TENM4: variants seen among roughly 807,000 people sequenced by gnomAD.
TENM4 encodes teneurin-4.
A neutral mutation model predicts 243.3 loss-of-function variants in TENM4; 82 were observed. That is an observed-to-expected ratio of 0.34 (90% CI 0.28 to 0.40). The LOEUF (loss-of-function observed/expected upper bound fraction) is 0.40. Among genes scored for constraint, TENM4 ranks in the 10% least tolerant of loss-of-function variants. The pLI is 1.00. For synonymous variants in TENM4, 1,412 were observed against 1,456.3 expected, an observed-to-expected ratio of 0.97 and a Z score of 0.69; for missense variants, 3,138 against 3,673.3, an observed-to-expected ratio of 0.85 and a Z score of 3.77.
chr11:78,684,631 G>A (rs1858620112), intron 29 of TENM4, among the ~76,000 whole-genome samples: 1 of 152,182 alleles, frequency 6.6e-6, no homozygotes, highest in Non-Finnish European at 1.5e-5. Flanking sequence ...TGGCAGTTAA[G>A]AGAATAGGTT....
At chr11:78,695,140 G>A (rs1858925141) in intron 28 of TENM4, among the ~76,000 whole-genome samples, 1 of 149,860 alleles carries the variant, frequency 6.7e-6, no homozygotes, top group Non-Finnish European at 1.5e-5. Flanking sequence ...TTGAACTCCT[G>A]GGCTGAAAAG....
Position 79,030,737 on chromosome 11 carries a change from G to A in TENM4, c.493+34001C>T, listed in dbSNP as rs372260738. Among the ~76,000 whole-genome samples the A allele has an allele frequency of 8.5e-5, 13 of 152,202 alleles. No homozygotes were observed. The East Asian group carries it at 1.4e-3, about 16-fold the overall frequency. On this transcript the variant is annotated intron_variant, in intron 6 of 33. Transcript: ENST00000278550. ...TTCTTACTTACTGCCCAGCCCAGCC[G>A]ACTCCTGTCAAACAGCCTCGGCAGA... is the stretch of plus-strand genomic sequence containing the variant.
intron 1 of TENM4, among the ~76,000 whole-genome samples, chr11:79,358,882 G>A (rs1391303485): frequency 6.6e-6 from 1 of 151,952 alleles, no homozygotes; most frequent in African/African-American, 2.4e-5. Context: ...TGATGATAGT[G>A]TAGTAAAAAC....
chr11:78,880,599 A>T (rs1859409240), intron 9 of TENM4, among the ~76,000 whole-genome samples: 1 of 152,114 alleles, frequency 6.6e-6, no homozygotes, highest in Non-Finnish European at 1.5e-5. Context: ...TATATGAGTA[A>T]ATGTGGGTCC....
rs545196709 is a variant in TENM4, at chr11:79,123,705, C to T, written c.-66+25005G>A. 4.6e-5 allele frequency among the ~76,000 whole-genome samples: 7 copies of T among 151,168 alleles called. No homozygotes were observed. The East Asian group carries it at 9.8e-4, about 21-fold the overall frequency. ...GCAATGCACACAAAATGTCCCTTTT[C>T]GGGGAAGCCCCATCCTCTCTCCTTC... On this transcript the variant is annotated intron_variant, in intron 4 of 33. Coordinates refer to ENST00000278550, the MANE Select transcript of TENM4 (RefSeq NM_001098816.3).
At chr11:79,123,693 A>AATGT (rs1011111923) in intron 4 of TENM4, among the ~76,000 whole-genome samples, 9 of 152,026 alleles carry the variant, frequency 5.9e-5, no homozygotes, top group Non-Finnish European at 8.8e-5. Context: ...ATGCACACAA[A>AATGT]ATGTCCCTTT....
Position 78,964,045 on chromosome 11 carries a change from T to C in TENM4, c.494-60522A>G, listed in dbSNP as rs1336273514. Among the ~76,000 whole-genome samples, 20 of 140,936 alleles carry C rather than the reference T, an allele frequency of 1.4e-4. No homozygotes were observed. The South Asian group carries it at 3.7e-3, about 26-fold the overall frequency. The allele number at this position is 140,936 out of a possible 152,430, so 92.5% of individuals were successfully genotyped here. On this transcript the variant is annotated intron_variant, in intron 6 of 33. Coordinates refer to ENST00000278550, the MANE Select transcript of TENM4 (RefSeq NM_001098816.3). Reference sequence around the variant, plus strand: ...AGCCACCACACCCAGACTTTTTTTTTTTTTTTTTTTTTCCCCTAGATGGAG... The same window carrying C: ...AGCCACCACACCCAGACTTTTTTTTCTTTTTTTTTTTTCCCCTAGATGGAG...
chr11:78,782,771 T>A (rs1446727194), intron 16 of TENM4, among the ~76,000 whole-genome samples: 30 of 131,700 alleles, frequency 2.3e-4, no homozygotes, highest in African/African-American at 7.4e-4. Context: ...GTCTTTTTTT[T>A]TAAAAAAAAA....
intron 2 of TENM4, among the ~76,000 whole-genome samples, chr11:79,216,315 T>A (rs913592743): frequency 1.7e-4 from 26 of 152,346 alleles, no homozygotes; most frequent in Non-Finnish European, 1.5e-4. Flanking sequence ...GCGTGTTATT[T>A]GCACAAAGGA....
chr11:78,658,913 A>T, intron 33 of TENM4, 97 bp from the exon 34 acceptor site: 1 of 1,377,060 alleles, frequency 7.3e-7, no homozygotes, highest in Non-Finnish European at 9.9e-7. Context: ...AAAACCACAC[A>T]TATTTATTAA....
chr11:78,918,493 A>G (rs1856371727), intron 6 of TENM4, among the ~76,000 whole-genome samples: 1 of 151,788 alleles, frequency 6.6e-6, no homozygotes, highest in African/African-American at 2.4e-5. Flanking sequence ...CAATCAGCCC[A>G]GTTCAGGTTT....
At chr11:78,726,310 C>T (rs777446166) in intron 22 of TENM4, 88 bp from the exon 23 acceptor site, 25 of 1,440,368 alleles carry the variant, frequency 1.7e-5, no homozygotes, top group Non-Finnish European at 2.2e-5. Context: ...CCTGGCTTAT[C>T]TTTTGTAGAA....
At chr11:78,710,876 CAT>C (rs1370420835) in intron 26 of TENM4, among the ~76,000 whole-genome samples, 4 of 152,184 alleles carry the variant, frequency 2.6e-5, no homozygotes, top group African/African-American at 7.2e-5. Flanking sequence ...AGAGAACACA[CAT>C]GTGTGGAGAA....
At chr11:79,211,153 C>G (rs1863947652) in intron 3 of TENM4, among the ~76,000 whole-genome samples, 1 of 152,140 alleles carries the variant, frequency 6.6e-6, no homozygotes, top group Non-Finnish European at 1.5e-5. Context: ...GCAGTTACAC[C>G]AACTTGACCT....
rs935968915 is a variant in TENM4 at position 78,670,106 on chromosome 11, C to T, written c.6239G>A (p.Arg2080His). 9.9e-6 allele frequency: 16 copies of T among 1,613,810 alleles called. No individual in the cohort carries two copies. The highest frequency in any genetic ancestry group is 4.5e-5 in the East Asian group (2 of 44,892). ...GCTGTTGTCATAGTTGTAGTCAAAA[C>T]GGGCGTTGACCATGCCTTCCTCAGT... ...RFTEEGMVNARFDYNYDNSFR... is the reference protein window; with the variant it reads ...RFTEEGMVNAHFDYNYDNSFR... The change falls in exon 32 of 34, where the codon CGT (arginine) becomes CAT (histidine). Residue 2080 changes from arginine (R) to histidine (H), a missense_variant. Arg to His is a conservative substitution (Grantham distance 29). Around this residue, in one of 2 missense-constraint regions of TENM4, gnomAD observed 2,467 missense variants for 3,059.1 expected, o/e 0.81. Coordinates refer to ENST00000278550, the MANE Select transcript of TENM4 (RefSeq NM_001098816.3).
At chr11:79,248,587 G>C (rs185380202) in intron 2 of TENM4, among the ~76,000 whole-genome samples, 3 of 152,234 alleles carry the variant, frequency 2.0e-5, no homozygotes, top group African/African-American at 4.8e-5. Context: ...TCCCATAAAG[G>C]CAGTAAAAGG....
chr11:79,297,670 G>A (rs577226057), intron 1 of TENM4, 127 bp from the exon 2 acceptor site: 1 of 152,536 alleles, frequency 6.6e-6, no homozygotes, highest in East Asian at 1.9e-4. Context: ...AACTGTGAGT[G>A]GTCAGGGGCT....
In TENM4 at chr11:78,820,535, G is replaced by A. The variant is rs143777018; in HGVS notation, c.1682-6140C>T. ...TTTGAAGACCAAATAGGGTGATGCTGTGCATGTAAAGAGGTTGGCCCAGGA... is the reference window on the plus strand; with the variant it reads ...TTTGAAGACCAAATAGGGTGATGCTATGCATGTAAAGAGGTTGGCCCAGGA... On this transcript the variant is annotated intron_variant, in intron 12 of 33. Transcript: ENST00000278550. Among the ~76,000 whole-genome samples the A allele has an allele frequency of 1.6e-4, 25 of 152,342 alleles. 1 individual carries two copies. The highest frequency in any genetic ancestry group is 1.3e-3 in the Admixed American group (20 of 15,312).
At chr11:78,769,234 T>A (rs779989851) in intron 18 of TENM4, among the ~76,000 whole-genome samples, 10 of 152,210 alleles carry the variant, frequency 6.6e-5, no homozygotes, top group Non-Finnish European at 1.5e-4. Flanking sequence ...TAGGCTGACA[T>A]CTCTTTCCTA....
Sources: gnomAD v4.1 joint callset for allele counts (sites outside exome capture counted in the v4.1 genomes callset) on GRCh38, gnomAD v4.1.1 for gene constraint, gnomAD v4.1.1 regional missense constraint, MANE v1.5 for transcripts, NCBI Gene and HGNC (gene_info 2026-07-23, HGNC 2026-07-21) for gene names.